ZNF75A: variants seen among roughly 807,000 people sequenced by gnomAD.
ZNF75A encodes zinc finger protein 75A.
A neutral mutation model predicts 46.3 loss-of-function variants in ZNF75A; 36 were observed. The observed-to-expected ratio is 0.78, with a 90% CI of 0.60 to 1.03. The LOEUF (loss-of-function observed/expected upper bound fraction) is 1.03. Ranked by LOEUF, ZNF75A falls within the 50% of genes least tolerant of loss-of-function variation. The pLI is 0.00. For missense variants in ZNF75A, 595 were observed against 551.3 expected (o/e 1.08, Z -0.79); for synonymous variants, 234 against 189.9 (o/e 1.23, Z -1.91).
chr16:3,313,083 T>C lies in ZNF75A; in HGVS notation c.731T>C (p.Phe244Ser). 1 of 1,613,896 alleles carries C rather than the reference T, an allele frequency of 6.2e-7. No homozygotes were observed. The highest frequency in any genetic ancestry group is 2.2e-5 in the East Asian group (1 of 44,894). The stretch of plus-strand genomic sequence containing the variant: ...ACATTTGAAGAAGTGGCCATGTATT[T>C]TTCCCAGGAAGAATGGGAGTTATTG... ...LLTFEEVAMY[F>S]SQEEWELLDP... The change falls in exon 5 of 7, where the codon TTT (phenylalanine) becomes TCT (serine). Residue 244 changes from phenylalanine to serine, a missense_variant. Coordinates refer to ENST00000669516, the MANE Select transcript of ZNF75A (RefSeq NM_001302109.2).
intron 1 of ZNF75A, chr16:3,306,275 C>T (rs893728416): frequency 6.6e-6 from 1 of 152,014 alleles, no homozygotes; most frequent in Admixed American, 6.6e-5. Flanking sequence ...TCACCAACTC[C>T]TGTTGGAGTT....
chr16:3,323,282 A>G, downstream of ZNF75A: 1 of 867,990 alleles, frequency 1.2e-6, no homozygotes, highest in Non-Finnish European at 1.9e-6. Context: ...TGGTAGCATG[A>G]TGGACCACTG....
At chr16:3,307,946 AG>A (rs1444808336) in intron 1 of ZNF75A, 7 of 152,208 alleles carry the variant, frequency 4.6e-5, no homozygotes, top group African/African-American at 1.4e-4. Flanking sequence ...AGAGAATCTC[AG>A]AATGTTTTCC....
At chr16:3,314,686 A>G (rs1961067147) in intron 5 of ZNF75A, 4 of 985,338 alleles carry the variant, frequency 4.1e-6, no homozygotes, top group Non-Finnish European at 4.8e-6. Flanking sequence ...TGCAGTTCAT[A>G]CGCAGTTAGG....
Position 3,314,173 on chromosome 16 carries a change from A to G in ZNF75A, c.823+998A>G, listed in dbSNP as rs140522042. On this transcript the variant is annotated intron_variant, in intron 5 of 6. Coordinates refer to ENST00000669516, the MANE Select transcript of ZNF75A (RefSeq NM_001302109.2). ...CTTGGTTCTAATTTACAAAGAACCA[A>G]GTGGTTACCATACACACTCTTAAAA... Among the ~76,000 whole-genome samples, 624 of 152,306 alleles carry G rather than the reference A, an allele frequency of 4.1e-3. 7 individuals are homozygous for G. The highest frequency in any genetic ancestry group is 0.031 in the Middle Eastern group (9 of 294).
At chr16:3,320,180 G>A (rs973522441), downstream of ZNF75A, among the ~76,000 whole-genome samples, 2 of 152,104 alleles carry the variant, frequency 1.3e-5, no homozygotes, top group Non-Finnish European at 2.9e-5. Flanking sequence ...CAAGTTGCTG[G>A]GACTACAGGT....
chr16:3,320,145 A>G (rs1961474813), downstream of ZNF75A, among the ~76,000 whole-genome samples: 2 of 151,856 alleles, frequency 1.3e-5, no homozygotes, highest in Non-Finnish European at 2.9e-5. Flanking sequence ...TCCTGGGTTC[A>G]TGCCATTCTC....
chr16:3,315,880 C>A (rs908831714), intron 5 of ZNF75A: 1 of 152,238 alleles, frequency 6.6e-6, no homozygotes, highest in Non-Finnish European at 1.5e-5. Context: ...GTTCTTTGCA[C>A]ATGTGTCCTG....
At chr16:3,321,795 G>A (rs1001526640), downstream of ZNF75A, among the ~76,000 whole-genome samples, 1 of 152,152 alleles carries the variant, frequency 6.6e-6, no homozygotes, top group Non-Finnish European at 1.5e-5. Context: ...TGGAGGGGAA[G>A]AACAGGAGGG....
At chr16:3,309,751 CAAAA>C (rs766446616) in intron 2 of ZNF75A, among the ~76,000 whole-genome samples, 39 of 55,692 alleles carry the variant, frequency 7.0e-4, no homozygotes, top group East Asian at 5.3e-3. Flanking sequence ...GAGAACCTGT[CAAAA>C]AAAAAAAAAA....
chr16:3,306,014 T>C (rs547021724), intron 1 of ZNF75A: 8 of 152,236 alleles, frequency 5.3e-5, no homozygotes, highest in Non-Finnish European at 1.2e-4. Context: ...ATGCGGTCGG[T>C]TGAGCCTCAG....
intron 4 of ZNF75A, 89 bp from the exon 5 acceptor site, chr16:3,312,960 C>G (rs1009769747): frequency 1.0e-5 from 15 of 1,454,704 alleles, no homozygotes; most frequent in East Asian, 2.4e-5. Context: ...TCTTTTAATT[C>G]CTTTATCGCC....
At chr16:3,315,655 A>G (rs934682937) in intron 5 of ZNF75A, among the ~76,000 whole-genome samples, 3 of 152,170 alleles carry the variant, frequency 2.0e-5, no homozygotes, top group Non-Finnish European at 4.4e-5. Flanking sequence ...GAAGCAGATC[A>G]ATGTCAGTAG....
chr16:3,310,775 C>T, intron 2 of ZNF75A: 1 of 985,352 alleles, frequency 1.0e-6, no homozygotes, highest in Non-Finnish European at 1.2e-6. Context: ...TAATGTCCTC[C>T]CTATAGTAGA....
chr16:3,314,395 C>T (rs958686852), intron 5 of ZNF75A, among the ~76,000 whole-genome samples: 1 of 152,176 alleles, frequency 6.6e-6, no homozygotes, highest in African/African-American at 2.4e-5. Flanking sequence ...TGCCTCAGTC[C>T]CAGTTGAGCT....
chr16:3,311,745 A>T lies in ZNF75A; in HGVS notation c.409-8A>T. On this transcript the variant is annotated splice_region_variant and splice_polypyrimidine_tract_variant and intron_variant, in intron 2 of 6. Coordinates refer to ENST00000669516, the MANE Select transcript of ZNF75A (RefSeq NM_001302109.2). ...TTCTGTGGTAACAAGGATGGGAATTATTTCTAGGTTGCAGTCCATGAGCTG... is the reference window on the plus strand; with the variant it reads ...TTCTGTGGTAACAAGGATGGGAATTTTTTCTAGGTTGCAGTCCATGAGCTG... The T allele has an allele frequency of 1.9e-6, 2 of 1,048,812 alleles. No individual in the cohort carries two copies. Among genetic ancestry groups the T allele is most frequent in the Non-Finnish European group, 2.3e-6 (2 of 862,360 alleles). 65.0% of individuals were successfully genotyped at this position (1,048,812 alleles called of 1,614,324 possible).
chr16:3,312,236 T>G (rs1960863118), intron 3 of ZNF75A: 1 of 152,224 alleles, frequency 6.6e-6, no homozygotes, highest in Admixed American at 6.5e-5. Context: ...GTGGGAAGGC[T>G]TGGGGCCACT....
At chr16:3,316,778 T>G (rs1286129973) in intron 5 of ZNF75A, 134 bp from the exon 6 acceptor site, 2 of 623,670 alleles carry the variant, frequency 3.2e-6, no homozygotes, top group Non-Finnish European at 5.7e-6. Context: ...ATACTTAATC[T>G]TGGAGTCTAT....
intron 5 of ZNF75A, chr16:3,314,715 G>T: frequency 1.2e-5 from 12 of 985,434 alleles, no homozygotes; most frequent in Non-Finnish European, 1.4e-5. Context: ...GCAGTGGCAA[G>T]TTCAGAGCTG....
Sources: gnomAD v4.1 joint callset for allele counts (sites outside exome capture counted in the v4.1 genomes callset) on GRCh38, gnomAD v4.1.1 for gene constraint, MANE v1.5 for transcripts, NCBI Gene and HGNC (gene_info 2026-07-23, HGNC 2026-07-21) for gene names.